The following SETMAR variants were observed in gnomAD, a reference collection of about 807,000 sequenced individuals.
The protein encoded by SETMAR is histone-lysine N-methyltransferase SETMAR.
SETMAR carries 44 observed loss-of-function variants against 58.4 expected under a neutral mutation model. That is an observed-to-expected ratio of 0.75 (90% CI 0.59 to 0.97). SETMAR has a LOEUF of 0.97. Among genes scored for constraint, SETMAR ranks in the 50% least tolerant of loss-of-function variants. The pLI is 0.00. For missense variants in SETMAR, 903 were observed against 840.2 expected (o/e 1.07, Z -0.92); for synonymous variants, 332 against 307.4 (o/e 1.08, Z -0.84).
At chr3:4,315,962 A>G (rs192148259) in intron 2 of SETMAR, among the ~76,000 whole-genome samples, 174 of 150,474 alleles carry the variant, frequency 1.2e-3, no homozygotes, top group South Asian at 2.3e-3. Flanking sequence ...TACGAGAATC[A>G]CTTGAGCCCA....
intron 1 of SETMAR, among the ~76,000 whole-genome samples, chr3:4,311,096 T>C (rs1698387466): frequency 1.3e-5 from 2 of 152,172 alleles, no homozygotes; most frequent in Admixed American, 6.5e-5. Context: ...ATTTCCTCTC[T>C]CCACCCCCAA....
intron 1 of SETMAR, among the ~76,000 whole-genome samples, chr3:4,309,556 TG>T (rs1321594548): frequency 1.3e-5 from 2 of 152,054 alleles, no homozygotes; most frequent in African/African-American, 4.8e-5. Context: ...AAAGTCCAAG[TG>T]GTAACTATAG....
At chr3:4,310,358 A>C (rs1419363569) in intron 1 of SETMAR, among the ~76,000 whole-genome samples, 1 of 152,232 alleles carries the variant, frequency 6.6e-6, no homozygotes, top group African/African-American at 2.4e-5. Context: ...TTTTCAAAAG[A>C]TTATTCTTGA....
At chr3:4,304,247 T>C (rs1432080509) in intron 1 of SETMAR, among the ~76,000 whole-genome samples, 1 of 152,226 alleles carries the variant, frequency 6.6e-6, no homozygotes, top group African/African-American at 2.4e-5. Context: ...GTTCAAGCGA[T>C]TCTCCTGCCT....
At chr3:4,303,592 G>C (rs1285096551) in intron 1 of SETMAR, 66 bp downstream of exon 1, 1 of 1,374,466 alleles carries the variant, frequency 7.3e-7, no homozygotes. Context: ...TCCTCAAGCC[G>C]CCTCGCTGGG....
At chr3:4,313,889 A>G in intron 2 of SETMAR, 128 bp downstream of exon 2, 3 of 1,480,460 alleles carry the variant, frequency 2.0e-6, no homozygotes, top group African/African-American at 1.4e-5. Flanking sequence ...GTTGTCCATC[A>G]GTATCCTTTC....
intron 1 of SETMAR, among the ~76,000 whole-genome samples, chr3:4,310,257 A>G (rs577488243): frequency 6.6e-6 from 1 of 152,356 alleles, no homozygotes; most frequent in East Asian, 1.9e-4. Context: ...ATGACCTCAC[A>G]TTATTTCTGA....
At chr3:4,310,032 A>G (rs1197313725) in intron 1 of SETMAR, among the ~76,000 whole-genome samples, 1 of 152,182 alleles carries the variant, frequency 6.6e-6, no homozygotes, top group African/African-American at 2.4e-5. Flanking sequence ...ACCTGCACAG[A>G]ATGTTGCTAC....
At chr3:4,311,782 A>G (rs7632080) in intron 1 of SETMAR, among the ~76,000 whole-genome samples, 24,790 of 152,172 alleles carry the variant, frequency 0.16, 2,238 homozygotes, top group Middle Eastern at 0.23. Context: ...TTACCTGTTT[A>G]TAAGTCTCAT....
Position 4,316,694 on chromosome 3 carries a change from A to G in SETMAR, c.1503A>G (p.Leu501=). ...RIVTCDEKWI[L]YDNRRRSAQW... ...TGACGTGTGATGAAAAGTGGATTTT[A>G]TATGACAACCGGCGACGATCAGCTC... Residue 501 remains leucine, a synonymous_variant, in exon 3 of 3, where the codon TTA becomes TTG. Transcript: ENST00000358065. The G allele has an allele frequency of 3.2e-6, 5 of 1,551,184 alleles. No individual in the cohort carries two copies. Among genetic ancestry groups the G allele is most frequent in the Non-Finnish European group, 4.4e-6 (5 of 1,146,792 alleles).
chr3:4,313,950 A>C lies in SETMAR; in HGVS notation c.1020+189A>C, dbSNP rs902323182. 26 of 1,018,700 alleles carry C rather than the reference A, an allele frequency of 2.6e-5. No homozygotes were observed. In the South Asian group the frequency reaches 3.3e-4, roughly 13 times the overall value. The allele number at this position is 1,018,700 out of a possible 1,614,324, so 63.1% of individuals were successfully genotyped here. A position where few individuals can be genotyped will look rare whatever the true frequency, so the allele number is the denominator to read the frequency against. On this transcript the variant is annotated intron_variant, in intron 2 of 2. Coordinates refer to ENST00000358065, the MANE Select transcript of SETMAR (RefSeq NM_006515.4). ...TTAACAAAAGTACATGACTACCCAG[A>C]ATACTCACTTTCCTAGTTAGATTTG...
chr3:4,307,723 A>G (rs1182487372), intron 1 of SETMAR, among the ~76,000 whole-genome samples: 1 of 152,204 alleles, frequency 6.6e-6, no homozygotes, highest in Non-Finnish European at 1.5e-5. Flanking sequence ...TAAAACTTAC[A>G]TTGTAACAAT....
At chr3:4,304,824 C>T (rs1054784767) in intron 1 of SETMAR, among the ~76,000 whole-genome samples, 1 of 152,102 alleles carries the variant, frequency 6.6e-6, no homozygotes, top group Admixed American at 6.6e-5. Context: ...TGGCCTGTGA[C>T]ACAGCCCTCA....
rs1262004731 is a variant in SETMAR, at chr3:4,316,451, C to T, written c.1260C>T (p.Ile420=). 6 of 1,602,692 alleles carry T rather than the reference C, an allele frequency of 3.7e-6. No homozygotes were observed. The Admixed American group carries it at 8.5e-5, about 23-fold the overall frequency. Residue 420 remains isoleucine (I), a synonymous_variant, in exon 3 of 3, where the codon ATC becomes ATT. Coordinates refer to ENST00000358065, the MANE Select transcript of SETMAR (RefSeq NM_006515.4). ...SEVDNDQLRA[I]IEADPLTTTR... ...TTGACAACGACCAGTTGAGAGCAATCATCGAAGCTGATCCCCTTACAACTA... is the reference window on the plus strand; with the variant it reads ...TTGACAACGACCAGTTGAGAGCAATTATCGAAGCTGATCCCCTTACAACTA...
intron 1 of SETMAR, among the ~76,000 whole-genome samples, chr3:4,312,377 C>A (rs1008709457): frequency 2.6e-5 from 4 of 152,030 alleles, no homozygotes; most frequent in African/African-American, 9.7e-5. Flanking sequence ...AGTTACAAAG[C>A]TTTCTATTTC....
At chr3:4,310,010 C>T (rs1336676413) in intron 1 of SETMAR, among the ~76,000 whole-genome samples, 1 of 152,154 alleles carries the variant, frequency 6.6e-6, no homozygotes, top group African/African-American at 2.4e-5. Context: ...CCCTATCACT[C>T]CTAGGCTACA....
In SETMAR at chr3:4,303,503, G is replaced by A; in HGVS notation, c.133G>A (p.Gly45Arg). The A allele has an allele frequency of 5.5e-6, 8 of 1,454,766 alleles. No homozygotes were observed. Among genetic ancestry groups the A allele is most frequent in the Non-Finnish European group, 6.3e-6 (7 of 1,109,860 alleles). The allele number at this position is 1,454,766 out of a possible 1,614,324, so 90.1% of individuals were successfully genotyped here. A position where few individuals can be genotyped will look rare whatever the true frequency, so the allele number is the denominator to read the frequency against. The change falls in exon 1 of 3, where the codon GGG becomes AGG. Residue 45 changes from glycine to arginine, a missense_variant. Physicochemically the swap from Gly to Arg is moderately radical, Grantham distance 125. Coordinates refer to ENST00000358065, the MANE Select transcript of SETMAR (RefSeq NM_006515.4). The part of the protein sequence containing the change: ...ENLPVGAWPP[G>R]AAPAPFQYTP... ...CTTGCCGGTGGGCGCGTGGCCCCCG[G>A]GGGCCGCGCCGGCGCCCTTCCAGGT...
intron 2 of SETMAR, 41 bp downstream of exon 2, chr3:4,313,802 G>C: frequency 6.2e-7 from 1 of 1,608,714 alleles, no homozygotes; most frequent in Non-Finnish European, 8.5e-7. Context: ...CCTCCCTATA[G>C]TGGAAGACAG....
chr3:4,310,611 T>C lies in SETMAR; in HGVS notation c.157-2287T>C, dbSNP rs144870207. Among the ~76,000 whole-genome samples, 92 of 152,202 alleles carry C rather than the reference T, an allele frequency of 6.0e-4. 1 individual carries two copies. The highest frequency in any genetic ancestry group is 1.2e-3 in the Non-Finnish European group (81 of 68,024). ...CTACTGTCTATAAGTCCCTGAAGGA[T>C]TATAGCTTGTGCAGCAAGTTTAATT... On this transcript the variant is annotated intron_variant, in intron 1 of 2. Coordinates refer to ENST00000358065, the MANE Select transcript of SETMAR (RefSeq NM_006515.4).
Sources: gnomAD v4.1 joint callset for allele counts (sites outside exome capture counted in the v4.1 genomes callset) on GRCh38, gnomAD v4.1.1 for gene constraint, MANE v1.5 for transcripts, NCBI Gene and HGNC (gene_info 2026-07-23, HGNC 2026-07-21) for gene names.